The following PRKCE variants were observed in gnomAD, a reference collection of about 807,000 sequenced individuals.
The protein encoded by PRKCE is protein kinase C epsilon type.
PRKCE carries 16 observed loss-of-function variants against 85.4 expected under a neutral mutation model. The observed-to-expected ratio is 0.19, with a 90% CI of 0.13 to 0.28. The LOEUF (loss-of-function observed/expected upper bound fraction) is 0.28. PRKCE is among the 10% of genes least tolerant of loss of function. The probability of loss-of-function intolerance (pLI) is 1.00; values close to 1 mark genes in which losing one functional copy is unlikely to be tolerated. For missense variants in PRKCE, 573 were observed against 975.2 expected (o/e 0.59, Z 5.49); for synonymous variants, 388 against 371.5 (o/e 1.04, Z -0.51).
intron 1 of PRKCE, among the ~76,000 whole-genome samples, chr2:45,819,037 G>T (rs1689313207): frequency 6.6e-6 from 1 of 152,162 alleles, no homozygotes; most frequent in East Asian, 1.9e-4. Flanking sequence ...AGGAAGCTTG[G>T]TATTGAGAGT....
At chr2:45,918,385 G>T (rs1180748799) in intron 2 of PRKCE, among the ~76,000 whole-genome samples, 1 of 152,134 alleles carries the variant, frequency 6.6e-6, no homozygotes, top group East Asian at 1.9e-4. Flanking sequence ...TCCCAAAATT[G>T]TAACTCATTT....
At chr2:45,839,627 A>G (rs1398686320) in intron 1 of PRKCE, among the ~76,000 whole-genome samples, 2 of 152,226 alleles carry the variant, frequency 1.3e-5, no homozygotes, top group East Asian at 1.9e-4. Flanking sequence ...AGGGTTGTGC[A>G]GGGCTGGGCA....
At chr2:46,031,704 T>C (rs1707532699) in intron 10 of PRKCE, among the ~76,000 whole-genome samples, 1 of 151,234 alleles carries the variant, frequency 6.6e-6, no homozygotes, top group Non-Finnish European at 1.5e-5. Context: ...GTGATGGTAA[T>C]GAAAGCCAGT....
At chr2:46,035,629 T>A (rs1419396638) in intron 10 of PRKCE, among the ~76,000 whole-genome samples, 1 of 152,236 alleles carries the variant, frequency 6.6e-6, no homozygotes, top group African/African-American at 2.4e-5. Flanking sequence ...ACATTTGTCA[T>A]GTATTTGGCA....
chr2:45,775,283 G>A (rs1685661605), intron 1 of PRKCE, among the ~76,000 whole-genome samples: 1 of 152,174 alleles, frequency 6.6e-6, no homozygotes, highest in Admixed American at 6.5e-5. Flanking sequence ...CTGTCTTCCT[G>A]CTCCGTGAGT....
At chr2:45,756,538 G>A (rs529859482) in intron 1 of PRKCE, among the ~76,000 whole-genome samples, 30 of 152,280 alleles carry the variant, frequency 2.0e-4, no homozygotes, top group African/African-American at 6.7e-4. Context: ...AATCTGTCAT[G>A]AATGTTCATA....
In PRKCE at chr2:45,981,130, C is replaced by T. The variant is rs61764795; in HGVS notation, c.693+749C>T. Among the ~76,000 whole-genome samples, 386 of 152,286 alleles carry T rather than the reference C, an allele frequency of 2.5e-3. 1 individual carries two copies. Among genetic ancestry groups the T allele is most frequent in the African/African-American group, 9.1e-3 (377 of 41,564 alleles). ...GTAGAGGTAAGGAAGCAGGAAAATG[C>T]AACAATGAAGCTAGGTTCACCTAAC... is the stretch of plus-strand genomic sequence containing the variant. On this transcript the variant is annotated intron_variant, in intron 5 of 14. Coordinates refer to ENST00000306156, the MANE Select transcript of PRKCE (RefSeq NM_005400.3).
rs747850156 is a variant in PRKCE, at chr2:46,145,293, C to T, written c.1731+62C>T. The T allele has an allele frequency of 2.4e-5, 38 of 1,582,018 alleles. No homozygotes were observed. The highest frequency in any genetic ancestry group is 3.1e-5 in the Non-Finnish European group (36 of 1,166,006). ...GCCAGGACCGAGGCAGGGGTCCAAA[C>T]CCATGCACTGGGGTCATCTAGTGGT... On this transcript the variant is annotated intron_variant, in intron 12 of 14. Coordinates refer to ENST00000306156, the MANE Select transcript of PRKCE (RefSeq NM_005400.3). This position sits in a 1 kb window ranked among gnomAD's most constrained non-coding sequence, Gnocchi z 4.6.
At chr2:45,985,710 A>G (rs1257135092) in intron 6 of PRKCE, among the ~76,000 whole-genome samples, 1 of 152,166 alleles carries the variant, frequency 6.6e-6, no homozygotes, top group Non-Finnish European at 1.5e-5. Context: ...GATTTATTGG[A>G]TGTAGTGACC....
intron 2 of PRKCE, among the ~76,000 whole-genome samples, chr2:45,868,351 G>A (rs1285241116): frequency 7.2e-6 from 1 of 139,850 alleles, no homozygotes; most frequent in East Asian, 2.3e-4. Flanking sequence ...AACTTTTTAG[G>A]GCAGTTAGTC....
chr2:45,826,171 G>A (rs145647310), intron 1 of PRKCE, among the ~76,000 whole-genome samples: 1,603 of 152,226 alleles, frequency 0.011, 10 homozygotes, highest in Non-Finnish European at 0.017. Flanking sequence ...TGTGTTGGAG[G>A]GCTCCAGGGT....
chr2:45,892,371 C>CA (rs1553442382), intron 2 of PRKCE, among the ~76,000 whole-genome samples: 2 of 152,136 alleles, frequency 1.3e-5, no homozygotes, highest in Non-Finnish European at 1.5e-5. Flanking sequence ...GCTGGATGAA[C>CA]GGGGCTCACT....
At chr2:45,864,273 G>T (rs538409302) in intron 2 of PRKCE, among the ~76,000 whole-genome samples, 3 of 152,166 alleles carry the variant, frequency 2.0e-5, no homozygotes, top group East Asian at 3.9e-4. Context: ...TTCTGGGAAC[G>T]CATTTTAAGG....
chr2:46,071,179 T>C (rs1340445645), intron 10 of PRKCE, among the ~76,000 whole-genome samples: 1 of 152,230 alleles, frequency 6.6e-6, no homozygotes, highest in Admixed American at 6.5e-5. Context: ...AACTTCCAAA[T>C]AATAAAATAC....
rs528987379 is a variant in PRKCE, at chr2:45,748,478, T to A, written c.349-94522T>A. Among the ~76,000 whole-genome samples the A allele has an allele frequency of 5.3e-5, 8 of 152,336 alleles. No individual in the cohort carries two copies. In the South Asian group the frequency reaches 1.5e-3, roughly 28 times the overall value. Reference sequence around the variant, plus strand: ...CTGGATTTCATTAAAGAAACGCCTGTGCCTGGCAAGCAGGCCGCTGCCAGC... The same window carrying A: ...CTGGATTTCATTAAAGAAACGCCTGAGCCTGGCAAGCAGGCCGCTGCCAGC... On this transcript the variant is annotated intron_variant, in intron 1 of 14. Transcript: ENST00000306156.
chr2:46,032,213 C>T (rs550742555), intron 10 of PRKCE, among the ~76,000 whole-genome samples: 281 of 151,996 alleles, frequency 1.8e-3, no homozygotes, highest in Non-Finnish European at 2.8e-3. Context: ...GGTGCTTTTG[C>T]GACAGGCAGG....
At chr2:45,934,843 C>G (rs1326377065) in intron 2 of PRKCE, among the ~76,000 whole-genome samples, 1 of 143,882 alleles carries the variant, frequency 7.0e-6, no homozygotes. Flanking sequence ...TGCTTGAGCC[C>G]AGGAGTCAAG....
chr2:45,971,087 G>C (rs1702079559), intron 2 of PRKCE, among the ~76,000 whole-genome samples: 1 of 152,032 alleles, frequency 6.6e-6, no homozygotes, highest in African/African-American at 2.4e-5. Context: ...GTTAACTATA[G>C]GCACAAAATT....
intron 14 of PRKCE, among the ~76,000 whole-genome samples, chr2:46,181,623 C>T (rs569451354): frequency 6.6e-6 from 1 of 152,340 alleles, no homozygotes; most frequent in African/African-American, 2.4e-5. Context: ...CCTGTAGGAT[C>T]TAGCTTTACC....
Sources: gnomAD v4.1 joint callset for allele counts (sites outside exome capture counted in the v4.1 genomes callset) on GRCh38, gnomAD v4.1.1 for gene constraint, Gnocchi (gnomAD v3.1) non-coding constraint, MANE v1.5 for transcripts, NCBI Gene and HGNC (gene_info 2026-07-23, HGNC 2026-07-21) for gene names.